CNBD1: variants seen among roughly 807,000 people sequenced by gnomAD.
The protein encoded by CNBD1 is cyclic nucleotide binding domain containing 1.
CNBD1 carries 71 observed loss-of-function variants against 54.4 expected under a neutral mutation model. That is an observed-to-expected ratio of 1.30 (90% confidence interval 1.08 to 1.59). The LOEUF (loss-of-function observed/expected upper bound fraction) is 1.59. CNBD1 is among the 40% of genes most tolerant of loss of function. CNBD1 has a pLI of 0.00. For synonymous variants in CNBD1, 182 were observed against 170.7 expected, an observed-to-expected ratio of 1.07 and a Z score of -0.51; for missense variants, 659 against 518.0, an observed-to-expected ratio of 1.27 and a Z score of -2.64.
At chr8:86,928,171 T>C (rs2131831987) in intron 3 of CNBD1, among the ~76,000 whole-genome samples, 1 of 152,284 alleles carries the variant, frequency 6.6e-6, no homozygotes, top group Middle Eastern at 3.4e-3. Context: ...AAGGTTTTGT[T>C]GATATCTTGC....
intron 8 of CNBD1, among the ~76,000 whole-genome samples, chr8:87,292,409 A>G (rs373065161): frequency 6.6e-5 from 10 of 152,330 alleles, no homozygotes; most frequent in African/African-American, 2.4e-4. Context: ...AGAATCTATC[A>G]ACTAATTTTT....
Position 86,870,189 on chromosome 8 carries a change from C to CCTTTTT in CNBD1, c.88+3606_88+3607insCTTTTT, listed in dbSNP as rs1554626453. On this transcript the variant is annotated intron_variant, in intron 1 of 10. Transcript: ENST00000518476. Reference sequence around the variant, plus strand: ...AGAAATTTAGAAACAAGATAGTACTCTTTTTTTTTTTTTTTCTGAGACGGA... The same window carrying CCTTTTT: ...AGAAATTTAGAAACAAGATAGTACTCCTTTTTTTTTTTTTTTTTTTTCTGAGACGGA... 1.4e-4 allele frequency among the ~76,000 whole-genome samples: 14 copies of CCTTTTT among 100,622 alleles called. 1 individual carries two copies. Among genetic ancestry groups the CCTTTTT allele is most frequent in the East Asian group, 3.2e-4 (1 of 3,172 alleles). 66.0% of individuals were successfully genotyped at this position (100,622 alleles called of 152,430 possible).
chr8:87,091,453 C>T (rs1305152204), intron 4 of CNBD1, among the ~76,000 whole-genome samples: 3 of 152,144 alleles, frequency 2.0e-5, no homozygotes, highest in African/African-American at 7.2e-5. Context: ...AACATCAACT[C>T]CAGAATATAT....
At chr8:87,427,007 G>A (rs1563598479) in intron 2 of CNBD1, among the ~76,000 whole-genome samples, 1 of 152,056 alleles carries the variant, frequency 6.6e-6, no homozygotes, top group Non-Finnish European at 1.5e-5. Context: ...ACTTTGGCTT[G>A]GGGCTCCCAT....
At chr8:87,288,767 A>G (rs1274219984) in intron 8 of CNBD1, among the ~76,000 whole-genome samples, 1 of 152,096 alleles carries the variant, frequency 6.6e-6, no homozygotes, top group Non-Finnish European at 1.5e-5. Flanking sequence ...AGTCAAAATA[A>G]TATTGTTTTC....
intron 8 of CNBD1, among the ~76,000 whole-genome samples, chr8:87,324,035 G>T (rs1177599994): frequency 8.0e-6 from 1 of 125,232 alleles, no homozygotes; most frequent in Non-Finnish European, 1.8e-5. Context: ...TTTGTCAAAG[G>T]CTTTTTCTGC....
At chr8:87,149,281 A>G (rs1812552210) in intron 4 of CNBD1, among the ~76,000 whole-genome samples, 1 of 152,214 alleles carries the variant, frequency 6.6e-6, no homozygotes, top group African/African-American at 2.4e-5. Context: ...TAGAGGAGAG[A>G]TGGGCCTCCC....
chr8:86,956,468 G>A (rs978855915), intron 4 of CNBD1, among the ~76,000 whole-genome samples: 4 of 152,162 alleles, frequency 2.6e-5, no homozygotes, highest in African/African-American at 9.7e-5. Flanking sequence ...CATGAGCATG[G>A]AATGTTCTTC....
At chr8:86,893,276 C>T (rs376194554) in intron 2 of CNBD1, among the ~76,000 whole-genome samples, 4 of 152,092 alleles carry the variant, frequency 2.6e-5, no homozygotes, top group East Asian at 3.9e-4. Flanking sequence ...ATTGTTTAGG[C>T]GGGATTTTCT....
At position 87,332,422 on chromosome 8, in the gene CNBD1, G is replaced by A. The variant is rs544597685; in HGVS notation, c.1043-19263G>A. Among the ~76,000 whole-genome samples the A allele has an allele frequency of 1.2e-3, 184 of 151,562 alleles. 1 individual carries two copies. Among genetic ancestry groups the A allele is most frequent in the African/African-American group, 4.1e-3 (170 of 41,392 alleles). ...GTCAGTTTTAGCGTTTGTTGTAATT[G>A]CTTTTAGCGATTTCATAATAAAAGA... On this transcript the variant is annotated intron_variant, in intron 8 of 10. Transcript: ENST00000518476.
intron 5 of CNBD1, among the ~76,000 whole-genome samples, chr8:87,230,391 T>C (rs1369495989): frequency 6.6e-6 from 1 of 152,128 alleles, no homozygotes; most frequent in Non-Finnish European, 1.5e-5. Context: ...CTAACATACA[T>C]TTGTAGGTAT....
chr8:87,346,998 G>C (rs1810188764), intron 8 of CNBD1, among the ~76,000 whole-genome samples: 1 of 152,038 alleles, frequency 6.6e-6, no homozygotes, highest in South Asian at 2.1e-4. Context: ...ATCTCCAGGA[G>C]CTCTTTCTCT....
At chr8:87,066,849 T>C (rs935847300) in intron 4 of CNBD1, among the ~76,000 whole-genome samples, 1 of 151,980 alleles carries the variant, frequency 6.6e-6, no homozygotes, top group African/African-American at 2.4e-5. Context: ...TAAATATTTA[T>C]TTTAATTTTA....
chr8:87,173,883 C>A (rs939357947), intron 4 of CNBD1, among the ~76,000 whole-genome samples: 1 of 151,714 alleles, frequency 6.6e-6, no homozygotes, highest in Non-Finnish European at 1.5e-5. Flanking sequence ...TCTTCGGGGC[C>A]AATAACTCTT....
At chr8:86,900,638 C>T (rs1808918063) in intron 2 of CNBD1, among the ~76,000 whole-genome samples, 2 of 151,956 alleles carry the variant, frequency 1.3e-5, no homozygotes, top group Admixed American at 1.3e-4. Context: ...TTTCTAGCTA[C>T]TATAACAATC....
intron 4 of CNBD1, among the ~76,000 whole-genome samples, chr8:87,155,345 A>C (rs1812692391): frequency 6.6e-6 from 1 of 152,166 alleles, no homozygotes; most frequent in South Asian, 2.1e-4. Flanking sequence ...ACATTGCCAG[A>C]TTTGCATTTG....
rs1448200559 is a variant in CNBD1, at chr8:87,139,306, T to C, written c.432-66687T>C. ...AGATAATAAACTCTCATAGGACTGG[T>C]TGAAGAAAGGATAACACCTAACTAG... On this transcript the variant is annotated intron_variant, in intron 4 of 10. Transcript: ENST00000518476. Among the ~76,000 whole-genome samples the C allele has an allele frequency of 3.9e-5, 6 of 152,186 alleles. No individual in the cohort carries two copies. In the South Asian group the frequency reaches 6.2e-4, roughly 16 times the overall value.
At chr8:87,168,916 A>G (rs1242149891) in intron 4 of CNBD1, among the ~76,000 whole-genome samples, 1 of 152,046 alleles carries the variant, frequency 6.6e-6, no homozygotes, top group Non-Finnish European at 1.5e-5. Flanking sequence ...TCTTCAATAT[A>G]CTAATTTTCT....
chr8:87,378,411 A>T (rs1810996698), intron 10 of CNBD1, among the ~76,000 whole-genome samples: 1 of 150,568 alleles, frequency 6.6e-6, no homozygotes, highest in South Asian at 2.1e-4. Context: ...TAAATAGGGA[A>T]TCCTTTCCCC....
Sources: gnomAD v4.1 joint callset for allele counts (sites outside exome capture counted in the v4.1 genomes callset) on GRCh38, gnomAD v4.1.1 for gene constraint, MANE v1.5 for transcripts, NCBI Gene and HGNC (gene_info 2026-07-23, HGNC 2026-07-21) for gene names.